INPP4B: variants seen among roughly 807,000 people sequenced by gnomAD.
The protein encoded by INPP4B is inositol polyphosphate 4-phosphatase type II.
In INPP4B, 55 loss-of-function variants were observed where a neutral mutation model predicts 122.5. That is an observed-to-expected ratio of 0.45 (90% confidence interval 0.36 to 0.56). The LOEUF is 0.56. INPP4B is among the 20% of genes least tolerant of loss of function. The pLI is 0.00. For synonymous variants in INPP4B, 403 were observed against 388.7 expected, an observed-to-expected ratio of 1.04 and a Z score of -0.43; for missense variants, 1,000 against 1,097.7, an observed-to-expected ratio of 0.91 and a Z score of 1.26.
intron 2 of INPP4B, among the ~76,000 whole-genome samples, chr4:142,695,432 A>G (rs1760895487): frequency 6.6e-6 from 1 of 152,218 alleles, no homozygotes; most frequent in African/African-American, 2.4e-5. Flanking sequence ...GTGAGTTTTA[A>G]TAATGCCAAA....
At chr4:142,560,372 T>A (rs1730188780) in intron 2 of INPP4B, 1 of 152,312 alleles carries the variant, frequency 6.6e-6, no homozygotes, top group East Asian at 1.9e-4. Flanking sequence ...CTACTACTAC[T>A]GTATTAGTCA....
chr4:142,472,529 AT>A (rs1560697060), intron 2 of INPP4B, among the ~76,000 whole-genome samples: 3 of 152,100 alleles, frequency 2.0e-5, no homozygotes, highest in Non-Finnish European at 4.4e-5. Context: ...TTTCTGAAAT[AT>A]TTTTCCCCAA....
intron 25 of INPP4B, among the ~76,000 whole-genome samples, chr4:142,039,743 C>G (rs1049370111): frequency 1.3e-5 from 2 of 151,658 alleles, no homozygotes; most frequent in African/African-American, 2.4e-5. Flanking sequence ...AGAAATATCA[C>G]AAATGATTAA....
chr4:142,278,679 C>G (rs547225580), intron 9 of INPP4B, among the ~76,000 whole-genome samples: 1 of 151,840 alleles, frequency 6.6e-6, no homozygotes, highest in Admixed American at 6.6e-5. Context: ...TAAATAAACC[C>G]AAGCTTACTG....
intron 1 of INPP4B, among the ~76,000 whole-genome samples, chr4:142,754,222 A>G (rs1770161120): frequency 6.6e-6 from 1 of 152,042 alleles, no homozygotes; most frequent in Non-Finnish European, 1.5e-5. Flanking sequence ...CCAAAATATT[A>G]TTAGCTACGG....
intron 2 of INPP4B, among the ~76,000 whole-genome samples, chr4:142,646,902 T>C (rs766950149): frequency 1.3e-5 from 2 of 151,936 alleles, no homozygotes; most frequent in Non-Finnish European, 2.9e-5. Flanking sequence ...CCAAGGAAAA[T>C]AGAAAGATTT....
At chr4:142,772,345 T>A (rs191384123) in intron 1 of INPP4B, among the ~76,000 whole-genome samples, 196 of 152,078 alleles carry the variant, frequency 1.3e-3, no homozygotes, top group Middle Eastern at 3.4e-3. Context: ...GAGTGAGGCA[T>A]CAATAAGTAA....
chr4:142,164,600 C>T (rs1821772685), intron 16 of INPP4B, among the ~76,000 whole-genome samples: 1 of 151,742 alleles, frequency 6.6e-6, no homozygotes, highest in South Asian at 2.1e-4. Flanking sequence ...TATATATTAT[C>T]CATTTGCCCT....
intron 16 of INPP4B, among the ~76,000 whole-genome samples, chr4:142,171,874 T>C (rs1028745065): frequency 1.1e-4 from 16 of 151,842 alleles, no homozygotes; most frequent in African/African-American, 2.9e-4. Flanking sequence ...TTGTAAATGA[T>C]GTATGAAATG....
At chr4:142,623,609 G>A (rs528520512) in intron 2 of INPP4B, among the ~76,000 whole-genome samples, 10 of 151,534 alleles carry the variant, frequency 6.6e-5, no homozygotes, top group Admixed American at 2.6e-4. Context: ...GGGTACATGC[G>A]CACAATGTGC....
intron 15 of INPP4B, among the ~76,000 whole-genome samples, chr4:142,192,691 T>C (rs910447640): frequency 1.3e-5 from 2 of 152,162 alleles, no homozygotes; most frequent in Non-Finnish European, 1.5e-5. Flanking sequence ...CAGGCCAGCA[T>C]GGAAATTACT....
In INPP4B at chr4:142,237,769, C is replaced by T; in HGVS notation, c.836+95G>A. On this transcript the variant is annotated intron_variant, in intron 12 of 25. Coordinates refer to ENST00000262992, the MANE Select transcript of INPP4B (RefSeq NM_001101669.3). ...GCTATTTCACAATGCATACATATTT[C>T]AAAATGTTGCACAGATTATATATAA... 4 of 695,074 alleles carry T rather than the reference C, an allele frequency of 5.8e-6. No individual in the cohort carries two copies. In the East Asian group the frequency reaches 8.7e-5, roughly 15 times the overall value. 43.1% of individuals were successfully genotyped at this position (695,074 alleles called of 1,614,324 possible).
chr4:142,124,915 C>A (rs1405947439), intron 18 of INPP4B, among the ~76,000 whole-genome samples, 155 bp from the exon 19 acceptor site: 2 of 152,232 alleles, frequency 1.3e-5, no homozygotes. Flanking sequence ...TAATTTAAAT[C>A]TCTCGCCTGA....
chr4:142,184,525 C>G (rs887924029), intron 15 of INPP4B, among the ~76,000 whole-genome samples: 1 of 152,144 alleles, frequency 6.6e-6, no homozygotes, highest in African/African-American at 2.4e-5. Flanking sequence ...ATTGGTTCTT[C>G]CCTTTATTCT....
chr4:142,366,596 A>T (rs1230234301), intron 7 of INPP4B, among the ~76,000 whole-genome samples: 6 of 152,140 alleles, frequency 3.9e-5, no homozygotes, highest in Non-Finnish European at 5.9e-5. Context: ...GCTTAACATC[A>T]TCATGCATGG....
chr4:142,213,344 C>A (rs1436069756), intron 12 of INPP4B, among the ~76,000 whole-genome samples: 1 of 152,114 alleles, frequency 6.6e-6, no homozygotes, highest in Non-Finnish European at 1.5e-5. Flanking sequence ...CTGTTTCTGG[C>A]ATTTAATAGT....
chr4:142,228,290 A>T (rs934058230), intron 12 of INPP4B, among the ~76,000 whole-genome samples: 2 of 151,988 alleles, frequency 1.3e-5, no homozygotes, highest in East Asian at 1.9e-4. Flanking sequence ...ATCCATAAGA[A>T]TTTTTTTAAA....
intron 12 of INPP4B, among the ~76,000 whole-genome samples, chr4:142,231,874 G>A (rs1361422081): frequency 6.6e-6 from 1 of 152,078 alleles, no homozygotes; most frequent in African/African-American, 2.4e-5. Context: ...TAAAAAGAAA[G>A]TATAGGATTT....
intron 2 of INPP4B, among the ~76,000 whole-genome samples, chr4:142,602,551 G>A (rs1045820151): frequency 5.3e-5 from 8 of 151,992 alleles, no homozygotes; most frequent in Admixed American, 1.3e-4. Flanking sequence ...AAGCAGGCCA[G>A]AGGACGTGAA....
Sources: gnomAD v4.1 joint callset for allele counts (sites outside exome capture counted in the v4.1 genomes callset) on GRCh38, gnomAD v4.1.1 for gene constraint, MANE v1.5 for transcripts, NCBI Gene and HGNC (gene_info 2026-07-23, HGNC 2026-07-21) for gene names.